Variants in ZNF717 observed in about 807,000 individuals in gnomAD.
ZNF717 encodes krueppel-like factor X17.
ZNF717 carries 9 observed loss-of-function variants against 13.8 expected under a neutral mutation model. The observed-to-expected ratio is 0.65, with a 90% CI of 0.39 to 1.14. ZNF717 has a LOEUF of 1.14. Ranked by LOEUF, ZNF717 falls within the 50% of genes most tolerant of loss-of-function variation. The probability of loss-of-function intolerance (pLI) is 0.01; values close to 1 mark genes in which losing one functional copy is unlikely to be tolerated. For missense variants in ZNF717, 1,040 were observed against 1,080.7 expected (o/e 0.96, Z 0.53); for synonymous variants, 327 against 364.1 (o/e 0.90, Z 1.16).
intron 2 of ZNF717, among the ~76,000 whole-genome samples, chr3:75,778,715 C>G (rs1405036331): frequency 6.6e-6 from 1 of 150,940 alleles, no homozygotes; most frequent in Non-Finnish European, 1.5e-5. Flanking sequence ...AACCGGAACC[C>G]AAAACAATGT....
Position 75,754,254 on chromosome 3 carries a change from A to G in ZNF717, c.58-12518T>C, listed in dbSNP as rs187935179. ...AGAGCATCACCTGCCCTGACACCTC[A>G]TTACCACATTACTGAAGCTATATTA... On this transcript the variant is annotated intron_variant, in intron 2 of 4. Transcript: ENST00000652011. 3.6e-3 allele frequency among the ~76,000 whole-genome samples: 549 copies of G among 152,348 alleles called. 3 individuals carry two copies. The highest frequency in any genetic ancestry group is 0.025 in the Admixed American group (385 of 15,298).
chr3:75,726,807 G>A (rs1938290702), downstream of ZNF717, among the ~76,000 whole-genome samples: 1 of 152,242 alleles, frequency 6.6e-6, no homozygotes. Context: ...AGTATCCGTG[G>A]GAAATCAGCT....
In ZNF717 at chr3:75,770,361, G is replaced by T. The variant is rs193050506; in HGVS notation, c.57+12945C>A. On this transcript the variant is annotated intron_variant, in intron 2 of 4. Coordinates refer to ENST00000652011, the MANE Select transcript of ZNF717 (RefSeq NM_001290208.3). ...AGATCACCTGAGGTCGGGAGTTCGA[G>T]ACCACCCTGATCAAAACAGAGAAAC... 2.6e-3 allele frequency among the ~76,000 whole-genome samples: 391 copies of T among 152,278 alleles called. 1 individual carries two copies. Among genetic ancestry groups the T allele is most frequent in the East Asian group, 6.4e-3 (33 of 5,166 alleles).
At chr3:75,728,000 G>C (rs1390311134), downstream of ZNF717, among the ~76,000 whole-genome samples, 1 of 152,186 alleles carries the variant, frequency 6.6e-6, no homozygotes, top group African/African-American at 2.4e-5. Context: ...GAAATATTGG[G>C]GGCTGGTTCC....
intron 2 of ZNF717, among the ~76,000 whole-genome samples, chr3:75,746,300 G>A (rs1307274209): frequency 6.6e-6 from 1 of 152,096 alleles, no homozygotes; most frequent in East Asian, 1.9e-4. Flanking sequence ...ATTTCAGTTG[G>A]TTCCAAGTCT....
chr3:75,750,349 C>G (rs1349296650), intron 2 of ZNF717, among the ~76,000 whole-genome samples: 23 of 150,458 alleles, frequency 1.5e-4, no homozygotes, highest in African/African-American at 4.1e-4. Context: ...CTGCTGGGGT[C>G]TGAATGTTTG....
rs1356011897 is a variant in ZNF717, at chr3:75,737,932, T to A, written c.1691A>T (p.Glu564Val). The A allele has an allele frequency of 6.4e-7, 1 of 1,551,036 alleles. No homozygotes were observed. Among genetic ancestry groups the A allele is most frequent in the African/African-American group, 1.4e-5 (1 of 72,914 alleles). Reference sequence around the variant, plus strand: ...AAAGGATTTTCCACATTCATTACATTCATAGGGTTTTTCCCCTGTGTGAGT... The same window carrying A: ...AAAGGATTTTCCACATTCATTACATACATAGGGTTTTTCCCCTGTGTGAGT... Reference protein sequence around the residue: ...HRTHTGEKPYECNECGKSFHC... With the variant: ...HRTHTGEKPYVCNECGKSFHC... The change falls in exon 5 of 5, where the codon GAA (glutamate) becomes GTA (valine). Residue 564 changes from glutamate to valine, a missense_variant. By Grantham distance (121) the Glu-to-Val change is moderately radical (BLOSUM62 -2). Coordinates refer to ENST00000652011, the MANE Select transcript of ZNF717 (RefSeq NM_001290208.3).
At chr3:75,746,693 T>G (rs1575808363) in intron 2 of ZNF717, among the ~76,000 whole-genome samples, 1 of 152,202 alleles carries the variant, frequency 6.6e-6, no homozygotes, top group Non-Finnish European at 1.5e-5. Context: ...TTGAGAAGTG[T>G]CTGTTCATAT....
In ZNF717 at chr3:75,779,093, AG is replaced by A. The variant is rs200006358; in HGVS notation, c.57+4212del. On this transcript the variant is annotated intron_variant, in intron 2 of 4. Coordinates refer to ENST00000652011, the MANE Select transcript of ZNF717 (RefSeq NM_001290208.3). ...AACAATGGGAGTGACCTGCTAAACT[AG>A]GAACCCAAAACAATGGGATTGACGT... 1.3e-3 allele frequency among the ~76,000 whole-genome samples: 196 copies of A among 147,876 alleles called. 3 individuals carry two copies. The East Asian group carries it at 0.037, about 28-fold the overall frequency.
intron 2 of ZNF717, among the ~76,000 whole-genome samples, chr3:75,746,016 C>A (rs1195008713): frequency 6.6e-6 from 1 of 152,188 alleles, no homozygotes; most frequent in Admixed American, 6.5e-5. Context: ...AACGCTATCC[C>A]ACCCTGCTCC....
downstream of ZNF717, among the ~76,000 whole-genome samples, chr3:75,705,309 G>A (rs1408499730): frequency 6.6e-6 from 1 of 152,308 alleles, no homozygotes; most frequent in Non-Finnish European, 1.5e-5. Context: ...GAGAAACTAA[G>A]TGGGAGGAAA....
Position 75,738,848 on chromosome 3 carries a change from C to T in ZNF717, c.775G>A (p.Val259Ile). 1.3e-6 allele frequency: 2 copies of T among 1,551,614 alleles called. No individual in the cohort carries two copies. Among genetic ancestry groups the T allele is most frequent in the Non-Finnish European group, 8.7e-7 (1 of 1,147,024 alleles). The change falls in exon 5 of 5, where the codon GTA becomes ATA. Residue 259 changes from valine (V) to isoleucine (I), a missense_variant. By Grantham distance (29) the Val-to-Ile change is conservative. Coordinates refer to ENST00000652011, the MANE Select transcript of ZNF717 (RefSeq NM_001290208.3). ...TTTCTACAGCAAGTTGGCTGTCCTA[C>T]CTGAGTTATCACTTGGACAATAACA... ...SAVIVQVITQ[V>I]GQPTCCRKSD...
At chr3:75,728,010 C>A (rs1394421672), downstream of ZNF717, among the ~76,000 whole-genome samples, 25 of 51,960 alleles carry the variant, frequency 4.8e-4, no homozygotes, top group African/African-American at 1.1e-3. Context: ...GGGCTGGTTC[C>A]CCCAATAAAA....
chr3:75,755,652 T>C (rs989708711), intron 2 of ZNF717, among the ~76,000 whole-genome samples: 4 of 152,182 alleles, frequency 2.6e-5, no homozygotes, highest in Non-Finnish European at 4.4e-5. Context: ...GATAGTGTTA[T>C]ATGAAAGTGG....
chr3:75,725,474 T>C (rs1938260809), downstream of ZNF717, among the ~76,000 whole-genome samples: 1 of 152,260 alleles, frequency 6.6e-6, no homozygotes, highest in African/African-American at 2.4e-5. Context: ...TATGTAGCCA[T>C]CACCCATAAT....
chr3:75,723,689 C>T (rs568374292), intron 4 of ZNF717, among the ~76,000 whole-genome samples: 7 of 152,210 alleles, frequency 4.6e-5, no homozygotes, highest in Non-Finnish European at 1.0e-4. Context: ...GACACAGCCA[C>T]CAGAGGGCTC....
chr3:75,705,785 T>A (rs1210887213), downstream of ZNF717, among the ~76,000 whole-genome samples: 2 of 152,256 alleles, frequency 1.3e-5, no homozygotes, highest in African/African-American at 2.4e-5. Context: ...CTTTTCTATG[T>A]CTGAATTAGC....
chr3:75,700,951 A>G (rs201256312), intron 6 of ZNF717, among the ~76,000 whole-genome samples: 5,752 of 112,770 alleles, frequency 0.051, no homozygotes, highest in Middle Eastern at 0.12. Context: ...GATTAAAGCA[A>G]GTCAGAAAGC....
intron 4 of ZNF717, among the ~76,000 whole-genome samples, chr3:75,724,900 C>T (rs1467177456): frequency 6.6e-6 from 1 of 152,264 alleles, no homozygotes; most frequent in Admixed American, 6.5e-5. Context: ...TAGCTCTCTC[C>T]CAGACCCATC....
Sources: gnomAD v4.1 joint callset for allele counts (sites outside exome capture counted in the v4.1 genomes callset) on GRCh38, gnomAD v4.1.1 for gene constraint, MANE v1.5 for transcripts, NCBI Gene and HGNC (gene_info 2026-07-23, HGNC 2026-07-21) for gene names.